PTF1A: variants seen among roughly 807,000 people sequenced by gnomAD.
The protein encoded by PTF1A is pancreas transcription factor 1 subunit alpha.
PTF1A carries 18 observed loss-of-function variants against 22.6 expected under a neutral mutation model. The observed-to-expected ratio is 0.80, with a 90% CI of 0.55 to 1.18. PTF1A has a LOEUF of 1.18. Ranked by LOEUF, PTF1A falls within the 50% of genes most tolerant of loss-of-function variation. The pLI is 0.00. For synonymous variants in PTF1A, 259 were observed against 227.9 expected (o/e 1.14, Z -1.23); for missense variants, 477 against 473.0 (o/e 1.01, Z -0.08).
chr10:23,193,790 G>A lies in PTF1A; in HGVS notation c.871G>A (p.Glu291Lys), dbSNP rs1021586515. 3.1e-6 allele frequency: 5 copies of A among 1,613,640 alleles called. No individual in the cohort carries two copies. Among genetic ancestry groups the A allele is most frequent in the Non-Finnish European group, 4.2e-6 (5 of 1,179,808 alleles). ...ATGGACTGATGAAAAACAACTCAAG[G>A]AACAAAATATTATCCGAACAGCCAA... ...LSWTDEKQLK[E>K]QNIIRTAKVW... is the part of the protein sequence containing the mutation. The change falls in exon 2 of 2, where the codon GAA becomes AAA. Residue 291 changes from glutamate to lysine, a missense_variant. By Grantham distance (56) the Glu-to-Lys change is moderately conservative (BLOSUM62 1). Coordinates refer to ENST00000376504, the MANE Select transcript of PTF1A (RefSeq NM_178161.3).
At chr10:23,193,595 G>T in intron 1 of PTF1A, 109 bp from the exon 2 acceptor site, 6 of 900,394 alleles carry the variant, frequency 6.7e-6, no homozygotes, top group Middle Eastern at 3.3e-4. Flanking sequence ...GAAGAGGGTG[G>T]TTCTAGTATA....
chr10:23,193,884 C>A lies in PTF1A; in HGVS notation c.965C>A (p.Pro322Gln). 6.8e-6 allele frequency: 11 copies of A among 1,613,956 alleles called. No individual in the cohort carries two copies. Among genetic ancestry groups the A allele is most frequent in the Non-Finnish European group, 8.5e-6 (10 of 1,179,920 alleles). ...TCCTTCAACAACATAGAAAACGAAC[C>A]ACCATTTGAGTTTGTGTCCTGAGAA... ...KSSFNNIENE[P>Q]PFEFVS Residue 322 changes from proline (P) to glutamine (Q), a missense_variant, in exon 2 of 2, where the codon CCA (proline) becomes CAA (glutamine). Coordinates refer to ENST00000376504, the MANE Select transcript of PTF1A (RefSeq NM_178161.3).
chr10:23,193,326 C>G lies in PTF1A; in HGVS notation c.784+12C>G. On this transcript the variant is annotated intron_variant, in intron 1 of 1. Transcript: ENST00000376504. The stretch of plus-strand genomic sequence containing the variant: ...CCATCGGGGCACCCGTAAGTGCTTC[C>G]GCTTCCCAGCTCAGGGAGAAGGGGT... 2 of 1,364,104 alleles carry G rather than the reference C, an allele frequency of 1.5e-6. No individual in the cohort carries two copies. Among genetic ancestry groups the G allele is most frequent in the Non-Finnish European group, 1.9e-6 (2 of 1,070,778 alleles). 84.5% of individuals were successfully genotyped at this position (1,364,104 alleles called of 1,614,324 possible).
Position 23,192,362 on chromosome 10 carries a change from G to C in PTF1A, c.-169G>C. On this transcript the variant is annotated 5_prime_UTR_variant, in exon 1 of 2. Coordinates refer to ENST00000376504, the MANE Select transcript of PTF1A (RefSeq NM_178161.3). Reference sequence around the variant, plus strand: ...CAGCGCAGCGCGAGCGCGGGCCAGAGCGCAGCGGCCGCGGGCACTCCAGGG... The same window carrying C: ...CAGCGCAGCGCGAGCGCGGGCCAGACCGCAGCGGCCGCGGGCACTCCAGGG... The C allele has an allele frequency of 1.3e-6, 1 of 760,398 alleles. No homozygotes were observed. Among genetic ancestry groups the C allele is most frequent in the Non-Finnish European group, 1.9e-6 (1 of 522,884 alleles). The allele number at this position is 760,398 out of a possible 1,614,324, so 47.1% of individuals were successfully genotyped here.
rs1416168132 is a variant in PTF1A, at chr10:23,192,322, C to G, written c.-209C>G. On this transcript the variant is annotated 5_prime_UTR_variant, in exon 1 of 2. Transcript: ENST00000376504. The stretch of plus-strand genomic sequence containing the variant: ...TGCCGGCCCTCAGCTCCAGGAAGTC[C>G]GCCACAGCCCTCCCCAGCGCAGCGC... 4.5e-6 allele frequency: 2 copies of G among 445,510 alleles called. No homozygotes were observed. Among genetic ancestry groups the G allele is most frequent in the African/African-American group, 4.2e-5 (2 of 47,994 alleles). 27.6% of individuals were successfully genotyped at this position (445,510 alleles called of 1,614,324 possible).
At position 23,193,936 on chromosome 10, in the gene PTF1A, T is replaced by C. The variant is rs765167737; in HGVS notation, c.*30T>C. On this transcript the variant is annotated 3_prime_UTR_variant, in exon 2 of 2. Coordinates refer to ENST00000376504, the MANE Select transcript of PTF1A (RefSeq NM_178161.3). Reference sequence around the variant, plus strand: ...TCCCAGACTCGGCTGAAGATCTGATTATGTCTCTGTGCATATTGTACATGT... The same window carrying C: ...TCCCAGACTCGGCTGAAGATCTGATCATGTCTCTGTGCATATTGTACATGT... The C allele has an allele frequency of 4.0e-6, 6 of 1,502,654 alleles. No homozygotes were observed. Among genetic ancestry groups the C allele is most frequent in the Non-Finnish European group, 5.6e-6 (6 of 1,078,934 alleles). The allele number at this position is 1,502,654 out of a possible 1,614,324, so 93.1% of individuals were successfully genotyped here.
rs189865463 is a variant in PTF1A, at chr10:23,193,701, C to T, written c.785-3C>T. The T allele has an allele frequency of 3.3e-5, 53 of 1,589,024 alleles. No individual in the cohort carries two copies. The highest frequency in any genetic ancestry group is 8.6e-7 in the Non-Finnish European group (1 of 1,157,696). ...AGTCTGTTTTCTCTTCTCACCTGTCCAGGGTCCCCCTCCCCCAGCGACCCT... is the reference window on the plus strand; with the variant it reads ...AGTCTGTTTTCTCTTCTCACCTGTCTAGGGTCCCCCTCCCCCAGCGACCCT... On this transcript the variant is annotated splice_polypyrimidine_tract_variant and splice_region_variant and intron_variant, in intron 1 of 1. Coordinates refer to ENST00000376504, the MANE Select transcript of PTF1A (RefSeq NM_178161.3).
Position 23,192,615 on chromosome 10 carries a change from G to A in PTF1A, c.85G>A (p.Asp29Asn). ...SYFDEDDFFTDQSSRDPLEDG... is the reference protein window; with the variant it reads ...SYFDEDDFFTNQSSRDPLEDG... ...CTTCGACGAGGACGACTTCTTCACC[G>A]ACCAGTCTTCACGGGACCCCCTGGA... The change falls in exon 1 of 2, where the codon GAC becomes AAC. Residue 29 changes from aspartate to asparagine, a missense_variant. Asp to Asn is a conservative substitution (Grantham distance 23). Transcript: ENST00000376504. 3.1e-6 allele frequency: 5 copies of A among 1,603,288 alleles called. No individual in the cohort carries two copies. Among genetic ancestry groups the A allele is most frequent in the Non-Finnish European group, 4.3e-6 (5 of 1,175,166 alleles).
chr10:23,193,245 G>T lies in PTF1A; in HGVS notation c.715G>T (p.Gly239Cys), dbSNP rs1238672586. Reference sequence around the variant, plus strand: ...GGGCGGCTGCGGGGGGCCGGGCGGCGGCGGGCGCCTGGGCGGGGACAGCCC... The same window carrying T: ...GGGCGGCTGCGGGGGGCCGGGCGGCTGCGGGCGCCTGGGCGGGGACAGCCC... ...GAGGCGGPGG[G>C]GRLGGDSPGS... is the part of the protein sequence containing the mutation. The change falls in exon 1 of 2, where the codon GGC (glycine) becomes TGC (cysteine). Residue 239 changes from glycine (G) to cysteine (C), a missense_variant. By Grantham distance (159) the Gly-to-Cys change is radical. Transcript: ENST00000376504. 1.6e-6 allele frequency: 2 copies of T among 1,247,008 alleles called. No homozygotes were observed. Among genetic ancestry groups the T allele is most frequent in the African/African-American group, 3.1e-5 (2 of 63,742 alleles). 77.2% of individuals were successfully genotyped at this position (1,247,008 alleles called of 1,614,324 possible).
In PTF1A at chr10:23,192,404, A is replaced by C; in HGVS notation, c.-127A>C. ...ACTCCAGGGAGGCCCGGGGGCGGGC[A>C]GCCCGGCGGCCGCCTAGCTGCCCCC... On this transcript the variant is annotated 5_prime_UTR_variant, in exon 1 of 2. Transcript: ENST00000376504. 3,105 of 1,133,100 alleles carry C rather than the reference A, an allele frequency of 2.7e-3. No homozygotes were observed. The highest frequency in any genetic ancestry group is 0.01 in the East Asian group (253 of 25,290). The allele number at this position is 1,133,100 out of a possible 1,614,324, so 70.2% of individuals were successfully genotyped here. A position where few individuals can be genotyped will look rare whatever the true frequency, so the allele number is the denominator to read the frequency against.
chr10:23,192,841 C>CG lies in PTF1A; in HGVS notation c.316dup (p.Ala106GlyfsTer165). 1 of 1,308,572 alleles carries CG rather than the reference C, an allele frequency of 7.6e-7. No individual in the cohort carries two copies. Among genetic ancestry groups the CG allele is most frequent in the Non-Finnish European group, 9.7e-7 (1 of 1,031,418 alleles). The allele number at this position is 1,308,572 out of a possible 1,614,324, so 81.1% of individuals were successfully genotyped here. ...GGCGGCGGCGGCTACTGCTGCGAGA[C>CG]GGGGGCGCCCCCAGGCGGCTTCCCC... On this transcript the variant is annotated frameshift_variant, in exon 1 of 2. Transcript: ENST00000376504. LOFTEE classifies it high-confidence loss of function.
rs1840903282 is a variant in PTF1A at position 23,192,644 on chromosome 10, C to G, written c.114C>G (p.Asp38Glu). Residue 38 changes from aspartate to glutamate, a missense_variant, in exon 1 of 2, where the codon GAC (aspartate) becomes GAG (glutamate). Asp to Glu is a conservative substitution (Grantham distance 45). Coordinates refer to ENST00000376504, the MANE Select transcript of PTF1A (RefSeq NM_178161.3). ...TDQSSRDPLE[D>E]GDELLADEQA... Reference sequence around the variant, plus strand: ...AGTCTTCACGGGACCCCCTGGAGGACGGCGATGAGCTGCTGGCGGACGAGC... The same window carrying G: ...AGTCTTCACGGGACCCCCTGGAGGAGGGCGATGAGCTGCTGGCGGACGAGC... 6.2e-7 allele frequency: 1 copy of G among 1,601,120 alleles called. No homozygotes were observed. The highest frequency in any genetic ancestry group is 1.4e-5 in the African/African-American group (1 of 73,556).
At position 23,192,666 on chromosome 10, in the gene PTF1A, G is replaced by C; in HGVS notation, c.136G>C (p.Glu46Gln). The change falls in exon 1 of 2, where the codon GAG (glutamate) becomes CAG (glutamine). Residue 46 changes from glutamate (E) to glutamine (Q), a missense_variant. By Grantham distance (29) the Glu-to-Gln change is conservative. Coordinates refer to ENST00000376504, the MANE Select transcript of PTF1A (RefSeq NM_178161.3). Reference sequence around the variant, plus strand: ...GGACGGCGATGAGCTGCTGGCGGACGAGCAGGCCGAGGTGGAGTTCCTTAG... The same window carrying C: ...GGACGGCGATGAGCTGCTGGCGGACCAGCAGGCCGAGGTGGAGTTCCTTAG... ...LEDGDELLAD[E>Q]QAEVEFLSHQ... 1 of 1,600,012 alleles carries C rather than the reference G, an allele frequency of 6.2e-7. No homozygotes were observed. The highest frequency in any genetic ancestry group is 8.5e-7 in the Non-Finnish European group (1 of 1,174,344).
At position 23,193,103 on chromosome 10, in the gene PTF1A, C is replaced by G; in HGVS notation, c.573C>G (p.Pro191=). ...TCGAGGGGCTGCGCTCGCACATCCC[C>G]ACGCTGCCCTACGAGAAGCGCCTCT... ...DAFEGLRSHI[P]TLPYEKRLSK... is the part of the protein sequence containing the mutation. Residue 191 remains proline, a synonymous_variant, in exon 1 of 2, where the codon CCC becomes CCG. Transcript: ENST00000376504. 6.9e-7 allele frequency: 1 copy of G among 1,438,938 alleles called. No individual in the cohort carries two copies. The highest frequency in any genetic ancestry group is 9.2e-7 in the Non-Finnish European group (1 of 1,089,436). The allele number at this position is 1,438,938 out of a possible 1,614,324, so 89.1% of individuals were successfully genotyped here. A position where few individuals can be genotyped will look rare whatever the true frequency, so the allele number is the denominator to read the frequency against.
rs1406023638 is a variant in PTF1A, at chr10:23,193,885, A to AC, written c.968dup (p.Phe324IlefsTer2). ...CCTTCAACAACATAGAAAACGAACC[A>AC]CCATTTGAGTTTGTGTCCTGAGAAG... On this transcript the variant is annotated frameshift_variant, in exon 2 of 2. Coordinates refer to ENST00000376504, the MANE Select transcript of PTF1A (RefSeq NM_178161.3). LOFTEE classifies it high-confidence loss of function. The AC allele has an allele frequency of 7.4e-6, 12 of 1,613,746 alleles. No homozygotes were observed. Among genetic ancestry groups the AC allele is most frequent in the Non-Finnish European group, 9.3e-6 (11 of 1,179,856 alleles).
chr10:23,193,444 A>T, intron 1 of PTF1A, 130 bp downstream of exon 1: 1 of 883,806 alleles, frequency 1.1e-6, no homozygotes, highest in Non-Finnish European at 1.6e-6. Context: ...AAAAACTTGA[A>T]TGCGAGCTCG....
intron 1 of PTF1A, 155 bp downstream of exon 1, chr10:23,193,469 T>TG (rs1399327538): frequency 1.1e-5 from 9 of 843,182 alleles, no homozygotes; most frequent in South Asian, 4.2e-5. Context: ...TCTCGTTTTT[T>TG]TTTTTTTTTT....
In PTF1A at chr10:23,194,052, T is replaced by C. The variant is rs913007117; in HGVS notation, c.*146T>C. The C allele has an allele frequency of 2.0e-5, 13 of 657,488 alleles. No individual in the cohort carries two copies. The highest frequency in any genetic ancestry group is 3.3e-5 in the Non-Finnish European group (12 of 368,838). The allele number at this position is 657,488 out of a possible 1,614,324, so 40.7% of individuals were successfully genotyped here. On this transcript the variant is annotated 3_prime_UTR_variant, in exon 2 of 2. Coordinates refer to ENST00000376504, the MANE Select transcript of PTF1A (RefSeq NM_178161.3). The stretch of plus-strand genomic sequence containing the variant: ...TTTATCTATTTATTATCCTGTTGAG[T>C]TGATGAAATAGATGATTTCTTTTTA...
chr10:23,194,183 GC>G lies in PTF1A; in HGVS notation c.*278del, dbSNP rs1840936077. On this transcript the variant is annotated 3_prime_UTR_variant, in exon 2 of 2. Coordinates refer to ENST00000376504, the MANE Select transcript of PTF1A (RefSeq NM_178161.3). ...GAGAACTCTGGCCAGAAAACGTCCT[GC>G]TTATTTATTGCCAGATATGGTTTAT... 5.4e-6 allele frequency: 2 copies of G among 368,960 alleles called. No individual in the cohort carries two copies. The highest frequency in any genetic ancestry group is 4.2e-5 in the African/African-American group (2 of 47,758). The allele number at this position is 368,960 out of a possible 1,614,324, so 22.9% of individuals were successfully genotyped here.
Sources: gnomAD v4.1 joint callset for allele counts on GRCh38, gnomAD v4.1.1 for gene constraint, MANE v1.5 for transcripts, NCBI Gene and HGNC (gene_info 2026-07-23, HGNC 2026-07-21) for gene names.